Variants in CNTNAP2 observed in about 807,000 individuals in gnomAD.
CNTNAP2 encodes the protein contactin-associated protein-like 2.
A neutral mutation model predicts 155.2 loss-of-function variants in CNTNAP2; 98 were observed. That is an observed-to-expected ratio of 0.63 (90% CI 0.54 to 0.75). The LOEUF is 0.75. Ranked by LOEUF, CNTNAP2 falls within the 30% of genes least tolerant of loss-of-function variation. The pLI is 0.00. For synonymous variants in CNTNAP2, 651 were observed against 631.2 expected, an observed-to-expected ratio of 1.03 and a Z score of -0.47; for missense variants, 1,727 against 1,688.1, an observed-to-expected ratio of 1.02 and a Z score of -0.40.
At chr7:147,027,004 G>GAAAAAAAAAAAAAAAAAAAAA (rs57810224) in intron 3 of CNTNAP2, among the ~76,000 whole-genome samples, 17 of 67,342 alleles carry the variant, frequency 2.5e-4, no homozygotes, top group African/African-American at 4.8e-4. Context: ...AAACAGAACA[G>GAAAAAAAAAAAAAAAAAAAAA]AAAAAAAAAA....
chr7:148,379,540 C>T (rs181904568), intron 21 of CNTNAP2, among the ~76,000 whole-genome samples: 3 of 151,262 alleles, frequency 2.0e-5, no homozygotes, highest in African/African-American at 7.3e-5. Flanking sequence ...CCCGCCTCTA[C>T]AAAAAAATAC....
chr7:148,253,836 T>C (rs1177708244), intron 20 of CNTNAP2, among the ~76,000 whole-genome samples: 1 of 152,136 alleles, frequency 6.6e-6, no homozygotes, highest in African/African-American at 2.4e-5. Flanking sequence ...TCATATATAG[T>C]CATCCCACAA....
At position 146,724,441 on chromosome 7, in the gene CNTNAP2, C is replaced by G. The variant is rs757398864; in HGVS notation, c.98-49830C>G. ...ACAATGTCTAATCTATTTGTCAATA[C>G]TGAAAGACACATCTTTGAAAAAAGA... On this transcript the variant is annotated intron_variant, in intron 1 of 23. Transcript: ENST00000361727. Among the ~76,000 whole-genome samples, 147 of 151,292 alleles carry G rather than the reference C, an allele frequency of 9.7e-4. 1 individual carries two copies. The highest frequency in any genetic ancestry group is 1.1e-3 in the Non-Finnish European group (73 of 67,968).
At chr7:148,344,193 A>T (rs1430214613) in intron 21 of CNTNAP2, among the ~76,000 whole-genome samples, 1 of 152,176 alleles carries the variant, frequency 6.6e-6, no homozygotes, top group African/African-American at 2.4e-5. Context: ...TTAGGTGTTT[A>T]TTCAGTGTCA....
At chr7:146,154,370 T>C (rs906037959) in intron 1 of CNTNAP2, among the ~76,000 whole-genome samples, 2 of 152,174 alleles carry the variant, frequency 1.3e-5, no homozygotes, top group Non-Finnish European at 2.9e-5. Flanking sequence ...TATACAGTGT[T>C]TTTTAATATT....
chr7:147,707,211 A>C (rs1796329053), intron 13 of CNTNAP2, among the ~76,000 whole-genome samples: 1 of 152,030 alleles, frequency 6.6e-6, no homozygotes, highest in South Asian at 2.1e-4. Context: ...TTGTCCTTAC[A>C]TTGACATCTA....
rs536676495 is a variant in CNTNAP2, at chr7:146,479,701, C to A, written c.98-294570C>A. Among the ~76,000 whole-genome samples the A allele has an allele frequency of 6.6e-5, 10 of 151,816 alleles. No individual in the cohort carries two copies. The South Asian group carries it at 8.3e-4, about 13-fold the overall frequency. ...AATTAGCTTAATGGACCAAAAAAAACCCAAAAAACTTGTTTCAAGTTAATG... is the reference window on the plus strand; with the variant it reads ...AATTAGCTTAATGGACCAAAAAAAAACCAAAAAACTTGTTTCAAGTTAATG... On this transcript the variant is annotated intron_variant, in intron 1 of 23. Transcript: ENST00000361727.
chr7:146,742,722 G>GA (rs1388158973), intron 1 of CNTNAP2, among the ~76,000 whole-genome samples: 3 of 152,092 alleles, frequency 2.0e-5, no homozygotes, highest in Non-Finnish European at 2.9e-5. Flanking sequence ...AAAGACTGGA[G>GA]AAAAAATGTC....
intron 8 of CNTNAP2, among the ~76,000 whole-genome samples, chr7:147,184,297 T>C (rs1309947024): frequency 6.6e-6 from 1 of 152,240 alleles, no homozygotes; most frequent in Admixed American, 6.5e-5. Flanking sequence ...AACTTGTGGG[T>C]TTTCCAATGC....
chr7:148,286,595 C>T (rs1377932726), intron 21 of CNTNAP2, among the ~76,000 whole-genome samples: 3 of 107,702 alleles, frequency 2.8e-5, no homozygotes, highest in East Asian at 6.2e-4. Flanking sequence ...CCCTAAAACA[C>T]GTTAAAAAAA....
intron 8 of CNTNAP2, among the ~76,000 whole-genome samples, chr7:147,137,873 GTAGATAGATAGA>G (rs57215903): frequency 2.1e-4 from 30 of 140,140 alleles, no homozygotes; most frequent in Admixed American, 6.0e-4. Flanking sequence ...AGATAGATAC[GTAGATAGATAGA>G]TAGATAGATA....
At chr7:146,357,573 G>A (rs7809716) in intron 1 of CNTNAP2, among the ~76,000 whole-genome samples, 70,829 of 152,024 alleles carry the variant, frequency 0.47, 18,724 homozygotes, top group African/African-American at 0.72. Flanking sequence ...TCCAGCTGCC[G>A]TTCATTCAAA....
At chr7:146,655,271 A>G (rs991430051) in intron 1 of CNTNAP2, among the ~76,000 whole-genome samples, 1 of 151,842 alleles carries the variant, frequency 6.6e-6, no homozygotes, top group African/African-American at 2.4e-5. Flanking sequence ...AAAATTAGCC[A>G]GGTATGGTGG....
At chr7:146,943,853 T>G (rs1253369762) in intron 3 of CNTNAP2, among the ~76,000 whole-genome samples, 4 of 152,170 alleles carry the variant, frequency 2.6e-5, no homozygotes, top group African/African-American at 9.7e-5. Context: ...AGAGATAAAC[T>G]GCTTACATGA....
intron 3 of CNTNAP2, among the ~76,000 whole-genome samples, chr7:146,980,500 T>C (rs931687734): frequency 1.3e-5 from 2 of 152,120 alleles, no homozygotes; most frequent in Admixed American, 1.3e-4. Context: ...TATAACAGGA[T>C]ACCCAACACT....
chr7:148,033,436 C>T (rs937666967), intron 15 of CNTNAP2, among the ~76,000 whole-genome samples: 14 of 151,084 alleles, frequency 9.3e-5, no homozygotes, highest in Non-Finnish European at 1.9e-4. Context: ...TGGTGGTTTG[C>T]TGCACCTATT....
intron 15 of CNTNAP2, 75 bp from the exon 16 acceptor site, chr7:148,118,043 A>G: frequency 6.7e-7 from 1 of 1,495,452 alleles, no homozygotes; most frequent in Middle Eastern, 2.1e-4. Context: ...ATTAAACTCA[A>G]GCAATGGGTA....
intron 10 of CNTNAP2, among the ~76,000 whole-genome samples, chr7:147,418,190 A>G (rs1797230801): frequency 6.6e-6 from 1 of 152,216 alleles, no homozygotes; most frequent in Non-Finnish European, 1.5e-5. Context: ...AATTTCTACA[A>G]TAAAAGATTC....
At chr7:146,506,350 G>A (rs1017452684) in intron 1 of CNTNAP2, among the ~76,000 whole-genome samples, 3 of 152,186 alleles carry the variant, frequency 2.0e-5, no homozygotes, top group Non-Finnish European at 4.4e-5. Context: ...CTGTGTCCAC[G>A]CTGGGCATTT....
Sources: allele counts gnomAD v4.1 joint callset (sites outside exome capture counted in the v4.1 genomes callset), GRCh38; gene constraint gnomAD v4.1.1; transcripts MANE v1.5; gene names NCBI Gene and HGNC (gene_info 2026-07-23, HGNC 2026-07-21).